The following DNAAF10 variants were observed in gnomAD, a reference collection of about 807,000 sequenced individuals.
DNAAF10 encodes the protein dynein axonemal assembly factor 10, also known as WD repeat domain 92.
In DNAAF10, 28 loss-of-function variants were observed where a neutral mutation model predicts 43.7. The observed-to-expected ratio is 0.64, with a 90% CI of 0.48 to 0.88. The LOEUF (loss-of-function observed/expected upper bound fraction) is 0.88. Among genes scored for constraint, DNAAF10 ranks in the 40% least tolerant of loss-of-function variants. The pLI is 0.00. For synonymous variants in DNAAF10, 156 were observed against 157.3 expected (o/e 0.99, Z 0.06); for missense variants, 403 against 439.1 (o/e 0.92, Z 0.73).
Position 68,131,150 on chromosome 2 carries a change from CCTT to C in DNAAF10, c.*85_*87del, listed in dbSNP as rs2103878714. On this transcript the variant is annotated 3_prime_UTR_variant, in exon 8 of 8. Transcript: ENST00000295121. ...AGCCAGGATGGTCTCGATCTCCTGACCTTCTGATCCACCCGCCTCGGCCTCCCA... is the reference window on the plus strand; with the variant it reads ...AGCCAGGATGGTCTCGATCTCCTGACCTGATCCACCCGCCTCGGCCTCCCA... 6 of 1,313,970 alleles carry C rather than the reference CCTT, an allele frequency of 4.6e-6. No homozygotes were observed. In the South Asian group the frequency reaches 6.0e-5, roughly 13 times the overall value. The allele number at this position is 1,313,970 out of a possible 1,614,324, so 81.4% of individuals were successfully genotyped here.
At chr2:68,145,270 G>A (rs961489396) in intron 2 of DNAAF10, among the ~76,000 whole-genome samples, 1 of 151,734 alleles carries the variant, frequency 6.6e-6, no homozygotes, top group African/African-American at 2.4e-5. Context: ...ATCTGAGGAC[G>A]TGGCTCTCAG....
chr2:68,138,422 T>C, intron 5 of DNAAF10, among the ~76,000 whole-genome samples: 1 of 152,216 alleles, frequency 6.6e-6, no homozygotes. Context: ...TTTCAGGCTT[T>C]CTGATATTGG....
At chr2:68,141,844 T>C in intron 3 of DNAAF10, 49 bp from the exon 4 acceptor site, 2 of 1,473,486 alleles carry the variant, frequency 1.4e-6, no homozygotes, top group South Asian at 2.3e-5. Flanking sequence ...TAAATGATTA[T>C]GTTTCTTTTC....
At chr2:68,131,748 T>C (rs747824933) in intron 7 of DNAAF10, 2 of 269,260 alleles carry the variant, frequency 7.4e-6, no homozygotes, top group Non-Finnish European at 1.4e-5. Context: ...TAGGATTCTT[T>C]AATACATTTA....
At chr2:68,134,200 C>T (rs555358288) in intron 7 of DNAAF10, 4 of 986,654 alleles carry the variant, frequency 4.1e-6, no homozygotes, top group South Asian at 4.7e-5. Flanking sequence ...GTGATGTTAG[C>T]GCCCTTGGGA....
At chr2:68,132,564 GA>G (rs201078183) in intron 7 of DNAAF10, among the ~76,000 whole-genome samples, 5,845 of 151,954 alleles carry the variant, frequency 0.038, 339 homozygotes, top group African/African-American at 0.13. Flanking sequence ...CAAATACTTG[GA>G]AAAAAAATCA....
chr2:68,145,718 A>G (rs925086436), intron 2 of DNAAF10, among the ~76,000 whole-genome samples: 2 of 152,226 alleles, frequency 1.3e-5, no homozygotes, highest in African/African-American at 4.8e-5. Flanking sequence ...AAAGGCATTC[A>G]GGAAAGTACT....
chr2:68,134,496 A>G, intron 7 of DNAAF10: 1 of 1,372,990 alleles, frequency 7.3e-7, no homozygotes, highest in Non-Finnish European at 9.4e-7. Flanking sequence ...AAAATGTATC[A>G]AAAGAAGATT....
At chr2:68,150,016 C>T (rs1673414756) in intron 1 of DNAAF10, among the ~76,000 whole-genome samples, 1 of 152,148 alleles carries the variant, frequency 6.6e-6, no homozygotes. Context: ...GACTGGTCTC[C>T]CATTTTCTTC....
intron 1 of DNAAF10, among the ~76,000 whole-genome samples, chr2:68,151,818 T>C (rs1673466206): frequency 6.6e-6 from 1 of 152,192 alleles, no homozygotes; most frequent in South Asian, 2.1e-4. Context: ...TCAGATACAT[T>C]TTAGATATTC....
chr2:68,136,284 T>A (rs1228109183), intron 6 of DNAAF10, among the ~76,000 whole-genome samples: 1 of 150,000 alleles, frequency 6.7e-6, no homozygotes, highest in African/African-American at 2.5e-5. Flanking sequence ...CTATTATGTA[T>A]AGATAATGAA....
chr2:68,152,407 T>C (rs760807834), intron 1 of DNAAF10, among the ~76,000 whole-genome samples: 2 of 152,212 alleles, frequency 1.3e-5, no homozygotes, highest in African/African-American at 2.4e-5. Context: ...CGAGCTCTGT[T>C]GGCAAACTGA....
chr2:68,140,057 G>A (rs1673139615), intron 4 of DNAAF10, among the ~76,000 whole-genome samples: 1 of 152,144 alleles, frequency 6.6e-6, no homozygotes. Context: ...ATTTTTAGTA[G>A]TGTGGATGAT....
At chr2:68,149,366 A>C (rs948785633) in intron 1 of DNAAF10, among the ~76,000 whole-genome samples, 12 of 152,218 alleles carry the variant, frequency 7.9e-5, no homozygotes, top group African/African-American at 2.7e-4. Context: ...ATTGTCTAGT[A>C]AACGAAATCA....
intron 1 of DNAAF10, among the ~76,000 whole-genome samples, chr2:68,155,239 C>T (rs1673565438): frequency 6.6e-6 from 1 of 152,022 alleles, no homozygotes; most frequent in South Asian, 2.1e-4. Flanking sequence ...TGTCTGTAAT[C>T]CCAGCACTTT....
At chr2:68,156,857 C>T (rs757081955) in intron 1 of DNAAF10, 1 of 215,852 alleles carries the variant, frequency 4.6e-6, no homozygotes, top group Non-Finnish European at 9.4e-6. Flanking sequence ...ATTTATGTAT[C>T]GTTGCTTTGA....
intron 6 of DNAAF10, among the ~76,000 whole-genome samples, chr2:68,135,394 G>C (rs1424820967): frequency 6.6e-6 from 1 of 152,122 alleles, no homozygotes; most frequent in Non-Finnish European, 1.5e-5. Flanking sequence ...AATGTTTATG[G>C]TCATAATAAG....
chr2:68,151,754 G>A (rs1383502120), intron 1 of DNAAF10, among the ~76,000 whole-genome samples: 1 of 152,102 alleles, frequency 6.6e-6, no homozygotes, highest in Non-Finnish European at 1.5e-5. Flanking sequence ...TCAGTTTCTG[G>A]TGTCATTGAC....
chr2:68,132,745 TTTG>T (rs1458058383), intron 7 of DNAAF10, among the ~76,000 whole-genome samples: 1 of 152,186 alleles, frequency 6.6e-6, no homozygotes, highest in African/African-American at 2.4e-5. Context: ...ACCAATTCCC[TTTG>T]CTGGTACAAT....
Sources: allele counts gnomAD v4.1 joint callset (sites outside exome capture counted in the v4.1 genomes callset), GRCh38; gene constraint gnomAD v4.1.1; transcripts MANE v1.5; gene names NCBI Gene and HGNC (gene_info 2026-07-23, HGNC 2026-07-21).